The following ANKS1B variants were observed in gnomAD, a reference collection of about 807,000 sequenced individuals.
ANKS1B encodes ankyrin repeat and sterile alpha motif domain-containing protein 1B.
A neutral mutation model predicts 148.3 loss-of-function variants in ANKS1B; 36 were observed. The ratio of observed to expected loss-of-function variants is 0.24; its 90% CI spans 0.19 to 0.32. The LOEUF (loss-of-function observed/expected upper bound fraction) is 0.32. Among genes scored for constraint, ANKS1B ranks in the 10% least tolerant of loss-of-function variants. The pLI is 1.00. For missense variants in ANKS1B, 1,157 were observed against 1,542.6 expected, an observed-to-expected ratio of 0.75 and a Z score of 4.19; for synonymous variants, 542 against 560.8, an observed-to-expected ratio of 0.97 and a Z score of 0.47.
At chr12:99,162,872 A>T (rs556394730) in intron 14 of ANKS1B, among the ~76,000 whole-genome samples, 1 of 152,132 alleles carries the variant, frequency 6.6e-6, no homozygotes, top group South Asian at 2.1e-4. Context: ...AGCCTGGCCA[A>T]TATGGTAAAA....
intron 17 of ANKS1B, among the ~76,000 whole-genome samples, chr12:98,871,388 T>C (rs2099668136): frequency 6.6e-6 from 1 of 152,162 alleles, no homozygotes; most frequent in Non-Finnish European, 1.5e-5. Context: ...GAAAAGTACA[T>C]AAGAGTACAA....
chr12:99,247,219 A>G (rs1370176587), intron 12 of ANKS1B, among the ~76,000 whole-genome samples: 1 of 152,224 alleles, frequency 6.6e-6, no homozygotes, highest in Non-Finnish European at 1.5e-5. Flanking sequence ...GAACACACAC[A>G]TCTAAACTCT....
intron 11 of ANKS1B, among the ~76,000 whole-genome samples, chr12:99,416,074 A>G (rs1196239771): frequency 6.6e-6 from 1 of 152,064 alleles, no homozygotes; most frequent in Non-Finnish European, 1.5e-5. Flanking sequence ...CAGTTCTACA[A>G]TTTTGTCACA....
chr12:99,846,997 T>G (rs1354159017), intron 1 of ANKS1B, among the ~76,000 whole-genome samples: 1 of 152,088 alleles, frequency 6.6e-6, no homozygotes, highest in African/African-American at 2.4e-5. Flanking sequence ...TGAAGTGTGT[T>G]GCTGGGCCTC....
At chr12:99,122,729 C>T (rs2063201476) in intron 15 of ANKS1B, among the ~76,000 whole-genome samples, 1 of 152,126 alleles carries the variant, frequency 6.6e-6, no homozygotes, top group Admixed American at 6.5e-5. Flanking sequence ...GTCCTCTCAG[C>T]AGCCTTGGCA....
intron 9 of ANKS1B, among the ~76,000 whole-genome samples, chr12:99,585,310 T>A (rs1348664549): frequency 6.6e-6 from 1 of 152,180 alleles, no homozygotes; most frequent in East Asian, 1.9e-4. Flanking sequence ...TGATCTCCTT[T>A]GACGCCATGT....
At chr12:99,833,694 C>T (rs1316357937) in intron 1 of ANKS1B, among the ~76,000 whole-genome samples, 1 of 152,166 alleles carries the variant, frequency 6.6e-6, no homozygotes, top group Admixed American at 6.5e-5. Context: ...TAGGAAAATA[C>T]TGCAAATTAA....
chr12:99,259,139 A>G (rs183891408), intron 12 of ANKS1B, among the ~76,000 whole-genome samples: 22 of 152,308 alleles, frequency 1.4e-4, no homozygotes, highest in Non-Finnish European at 4.4e-5. Flanking sequence ...GGATTACCCT[A>G]GAACCTCCTA....
intron 10 of ANKS1B, among the ~76,000 whole-genome samples, chr12:99,494,592 G>A (rs1313000984): frequency 6.6e-6 from 1 of 151,814 alleles, no homozygotes; most frequent in Admixed American, 6.6e-5. Context: ...AATTAGCCGG[G>A]CGTGGTGGCG....
intron 9 of ANKS1B, among the ~76,000 whole-genome samples, chr12:99,519,235 A>C (rs1405944497): frequency 6.6e-6 from 1 of 152,046 alleles, no homozygotes; most frequent in African/African-American, 2.4e-5. Context: ...CTATTAAGTG[A>C]ATTTGATGTA....
chr12:98,871,747 T>C (rs750051417), intron 17 of ANKS1B, among the ~76,000 whole-genome samples: 4 of 152,190 alleles, frequency 2.6e-5, no homozygotes, highest in Non-Finnish European at 2.9e-5. Flanking sequence ...TAATGTAGAT[T>C]GATGATCCAT....
chr12:99,592,736 A>G (rs77015286), intron 9 of ANKS1B, among the ~76,000 whole-genome samples: 4,749 of 152,194 alleles, frequency 0.031, 248 homozygotes, highest in African/African-American at 0.11. Flanking sequence ...CGAGTGAGCA[A>G]TGGCCCATGA....
intron 25 of ANKS1B, among the ~76,000 whole-genome samples, chr12:98,772,195 C>A (rs529638583): frequency 1.3e-5 from 2 of 152,144 alleles, no homozygotes; most frequent in South Asian, 2.1e-4. Flanking sequence ...ATGTTGAAGG[C>A]TTAACATGCA....
intron 1 of ANKS1B, among the ~76,000 whole-genome samples, chr12:99,912,632 G>GT (rs1224125770): frequency 1.3e-5 from 2 of 152,144 alleles, no homozygotes; most frequent in Non-Finnish European, 2.9e-5. Flanking sequence ...GATTACAGGC[G>GT]TGAGCCACTG....
intron 19 of ANKS1B, among the ~76,000 whole-genome samples, chr12:98,826,895 T>C (rs1440114279): frequency 6.6e-6 from 1 of 152,192 alleles, no homozygotes; most frequent in Non-Finnish European, 1.5e-5. Flanking sequence ...GGAAAAAGTA[T>C]GGTCTAGAGA....
intron 15 of ANKS1B, among the ~76,000 whole-genome samples, chr12:99,134,644 CTCACA>C: frequency 1.5e-5 from 1 of 66,474 alleles, no homozygotes. Context: ...CTCTCTCTCT[CTCACA>C]CACACACACA....
At chr12:99,605,277 T>G (rs1293217616) in intron 9 of ANKS1B, among the ~76,000 whole-genome samples, 1 of 152,110 alleles carries the variant, frequency 6.6e-6, no homozygotes, top group African/African-American at 2.4e-5. Context: ...CATAATCAAA[T>G]TAGGATAATT....
At chr12:99,543,660 T>C (rs11832279) in intron 9 of ANKS1B, among the ~76,000 whole-genome samples, 32,322 of 152,094 alleles carry the variant, frequency 0.21, 3,671 homozygotes, top group East Asian at 0.31. Flanking sequence ...TATTTTACTA[T>C]ATGGATAAAT....
chr12:99,770,390 G>GTATTAGGTGACCTA (rs1289266934), intron 8 of ANKS1B, among the ~76,000 whole-genome samples: 1 of 152,084 alleles, frequency 6.6e-6, no homozygotes, highest in African/African-American at 2.4e-5. Context: ...AGAACCATCT[G>GTATTAGGTGACCTA]TATTAGGTGA....
Sources: allele counts gnomAD v4.1 joint callset (sites outside exome capture counted in the v4.1 genomes callset), GRCh38; gene constraint gnomAD v4.1.1; transcripts MANE v1.5; gene names NCBI Gene and HGNC (gene_info 2026-07-23, HGNC 2026-07-21).